Variants in ZFP2 observed in about 807,000 individuals in gnomAD.
The protein encoded by ZFP2 is zinc finger protein ZFP2.
In ZFP2, 33 loss-of-function variants were observed where a neutral mutation model predicts 36.1. The observed-to-expected ratio is 0.92, with a 90% CI of 0.69 to 1.22. ZFP2 has a LOEUF of 1.22. Ranked by LOEUF, ZFP2 falls within the 50% of genes most tolerant of loss-of-function variation. The pLI is 0.00. For missense variants in ZFP2, 522 were observed against 551.4 expected (o/e 0.95, Z 0.53); for synonymous variants, 170 against 178.0 (o/e 0.96, Z 0.36).
intron 4 of ZFP2, chr5:178,922,253 C>G (rs2113108480): frequency 9.9e-7 from 1 of 1,015,130 alleles, no homozygotes. Context: ...AGTAGTGAAA[C>G]CAAATACATC....
At chr5:178,901,655 G>A (rs1342291969) in intron 1 of ZFP2, among the ~76,000 whole-genome samples, 1 of 152,114 alleles carries the variant, frequency 6.6e-6, no homozygotes, top group Non-Finnish European at 1.5e-5. Context: ...GTTTTCAGAT[G>A]AGGTCCTATT....
At chr5:178,919,165 T>C (rs1758498400) in intron 4 of ZFP2, among the ~76,000 whole-genome samples, 1 of 119,504 alleles carries the variant, frequency 8.4e-6, no homozygotes, top group African/African-American at 2.9e-5. Flanking sequence ...GCTAATATTT[T>C]TGTTTTTGAA....
chr5:178,899,774 T>A (rs77910754), intron 1 of ZFP2, among the ~76,000 whole-genome samples: 414 of 151,638 alleles, frequency 2.7e-3, no homozygotes, highest in African/African-American at 9.6e-3. Flanking sequence ...GGCCCTAACT[T>A]CTTTTTTTTT....
At chr5:178,907,325 A>G (rs1758186477) in intron 1 of ZFP2, among the ~76,000 whole-genome samples, 1 of 151,622 alleles carries the variant, frequency 6.6e-6, no homozygotes, top group African/African-American at 2.4e-5. Context: ...ATGTGTACAC[A>G]TATATATTTT....
chr5:178,903,704 T>C (rs1020534813), intron 1 of ZFP2, among the ~76,000 whole-genome samples: 2 of 152,190 alleles, frequency 1.3e-5, no homozygotes, highest in African/African-American at 4.8e-5. Flanking sequence ...GCATGGTGGC[T>C]CACGCCTGTA....
rs7708104 is a variant in ZFP2, at chr5:178,925,152, T to C, written c.-77-6085T>C. 1.6e-3 allele frequency among the ~76,000 whole-genome samples: 192 copies of C among 117,602 alleles called. 2 individuals carry two copies. The highest frequency in any genetic ancestry group is 4.8e-3 in the African/African-American group (173 of 36,216). 77.2% of individuals were successfully genotyped at this position (117,602 alleles called of 152,430 possible). A position where few individuals can be genotyped will look rare whatever the true frequency, so the allele number is the denominator to read the frequency against. On this transcript the variant is annotated intron_variant, in intron 4 of 4. Transcript: ENST00000361362. ...ACACACACACACACACACACACACA[T>C]ATATATACACATATATACATATACA...
chr5:178,914,961 G>A (rs1006305158), intron 3 of ZFP2, among the ~76,000 whole-genome samples: 2 of 152,132 alleles, frequency 1.3e-5, no homozygotes, highest in East Asian at 1.9e-4. Context: ...TAAACCTTAC[G>A]TTTCAGTCCT....
At chr5:178,906,754 C>T (rs1181139652) in intron 1 of ZFP2, among the ~76,000 whole-genome samples, 1 of 151,856 alleles carries the variant, frequency 6.6e-6, no homozygotes, top group Non-Finnish European at 1.5e-5. Context: ...GATGGGGTTT[C>T]ACCATGTTGG....
chr5:178,911,885 C>G (rs1182186103), intron 1 of ZFP2, among the ~76,000 whole-genome samples: 1 of 152,094 alleles, frequency 6.6e-6, no homozygotes, highest in Non-Finnish European at 1.5e-5. Flanking sequence ...CCTGTAATCC[C>G]AGCTCTTTGG....
Position 178,916,726 on chromosome 5 carries a change from C to T in ZFP2, c.-78+16C>T, listed in dbSNP as rs1758438995. 1.0e-6 allele frequency: 1 copy of T among 985,270 alleles called. No homozygotes were observed. Among genetic ancestry groups the T allele is most frequent in the Non-Finnish European group, 1.2e-6 (1 of 829,888 alleles). 61.0% of individuals were successfully genotyped at this position (985,270 alleles called of 1,614,324 possible). ...ACATCTATAGGTAAGTACTGGTACT[C>T]CTCTTACGGTGGAAGACATTGGCTC... is the stretch of plus-strand genomic sequence containing the variant. On this transcript the variant is annotated intron_variant, in intron 4 of 4. Coordinates refer to ENST00000361362, the MANE Select transcript of ZFP2 (RefSeq NM_030613.4).
rs981708231 is a variant in ZFP2, at chr5:178,927,663, A to G, written c.-77-3574A>G. ...AGGTGCACACCATCATACCTGGCCA[A>G]TGTGTGTGTGTGTGTGTGTGTGTGT... On this transcript the variant is annotated intron_variant, in intron 4 of 4. Coordinates refer to ENST00000361362, the MANE Select transcript of ZFP2 (RefSeq NM_030613.4). Among the ~76,000 whole-genome samples the G allele has an allele frequency of 6.7e-3, 623 of 92,582 alleles. 6 individuals are homozygous for G. Among genetic ancestry groups the G allele is most frequent in the African/African-American group, 0.02 (559 of 28,168 alleles). The allele number at this position is 92,582 out of a possible 152,430, so 60.7% of individuals were successfully genotyped here. A position where few individuals can be genotyped will look rare whatever the true frequency, so the allele number is the denominator to read the frequency against.
In ZFP2 at chr5:178,932,110, G is replaced by C. The variant is rs1273818432; in HGVS notation, c.797G>C (p.Gly266Ala). 4.3e-6 allele frequency: 7 copies of C among 1,612,818 alleles called. No individual in the cohort carries two copies. The highest frequency in any genetic ancestry group is 5.1e-6 in the Non-Finnish European group (6 of 1,179,090). The change falls in exon 5 of 5, where the codon GGA (glycine) becomes GCA (alanine). Residue 266 changes from glycine to alanine, a missense_variant. Physicochemically the swap from Gly to Ala is moderately conservative, Grantham distance 60. Transcript: ENST00000361362. ...HLIVHQRSHT[G>A]EKPYECSQCG... Reference sequence around the variant, plus strand: ...ATTGTACATCAGAGAAGCCATACTGGAGAAAAACCCTATGAGTGTAGTCAA... The same window carrying C: ...ATTGTACATCAGAGAAGCCATACTGCAGAAAAACCCTATGAGTGTAGTCAA...
chr5:178,928,540 C>T (rs1274030518), intron 4 of ZFP2, among the ~76,000 whole-genome samples: 1 of 152,228 alleles, frequency 6.6e-6, no homozygotes, highest in African/African-American at 2.4e-5. Flanking sequence ...AATCTTAAAG[C>T]TTCAAAATTA....
At chr5:178,926,136 T>C (rs1454247443) in intron 4 of ZFP2, among the ~76,000 whole-genome samples, 1 of 151,780 alleles carries the variant, frequency 6.6e-6, no homozygotes, top group African/African-American at 2.4e-5. Context: ...CGCGAGCCAC[T>C]GCACTCAGCT....
chr5:178,916,996 A>G (rs1187532648), intron 4 of ZFP2, among the ~76,000 whole-genome samples: 1 of 152,196 alleles, frequency 6.6e-6, no homozygotes, highest in African/African-American at 2.4e-5. Context: ...CCTGTTTTAC[A>G]AAAGATGAAT....
At chr5:178,910,240 C>T in intron 1 of ZFP2, 1 of 1,580,080 alleles carries the variant, frequency 6.3e-7, no homozygotes, top group Non-Finnish European at 8.7e-7. Context: ...AAGAGCAGCA[C>T]TCGGAATTCT....
In ZFP2 at chr5:178,932,579, T is replaced by C; in HGVS notation, c.1266T>C (p.Asn422=). Residue 422 remains asparagine, a synonymous_variant, in exon 5 of 5, where the codon AAT becomes AAC. Coordinates refer to ENST00000361362, the MANE Select transcript of ZFP2 (RefSeq NM_030613.4). ...AGTGTGGAAAAGCCTTCATTAAGAA[T>C]TCATCCCTTACAGTGCATCAGAGAA... ...CDQCGKAFIK[N]SSLTVHQRTH... is the part of the protein sequence containing the mutation. The C allele has an allele frequency of 6.2e-7, 1 of 1,613,932 alleles. No homozygotes were observed. Among genetic ancestry groups the C allele is most frequent in the Non-Finnish European group, 8.5e-7 (1 of 1,179,988 alleles).
At chr5:178,911,476 CCTT>C (rs1188594067) in intron 1 of ZFP2, among the ~76,000 whole-genome samples, 3 of 152,194 alleles carry the variant, frequency 2.0e-5, no homozygotes, top group African/African-American at 7.2e-5. Context: ...CCTCTCCTCT[CCTT>C]CCTCCTCCTC....
intron 3 of ZFP2, among the ~76,000 whole-genome samples, chr5:178,914,954 A>G (rs1486801304): frequency 6.6e-6 from 1 of 152,102 alleles, no homozygotes; most frequent in African/African-American, 2.4e-5. Flanking sequence ...ATTTCTGTAA[A>G]CCTTACGTTT....
Sources: allele counts gnomAD v4.1 joint callset (sites outside exome capture counted in the v4.1 genomes callset), GRCh38; gene constraint gnomAD v4.1.1; transcripts MANE v1.5; gene names NCBI Gene and HGNC (gene_info 2026-07-23, HGNC 2026-07-21).